ADAM32: variants seen among roughly 807,000 people sequenced by gnomAD.
The protein encoded by ADAM32 is disintegrin and metalloproteinase domain-containing protein 32.
In ADAM32, 89 loss-of-function variants were observed where a neutral mutation model predicts 114.9. The ratio of observed to expected loss-of-function variants is 0.77; its 90% CI spans 0.65 to 0.92. The LOEUF (loss-of-function observed/expected upper bound fraction) is 0.92. ADAM32 is among the 40% of genes least tolerant of loss of function. The pLI is 0.00. For missense variants in ADAM32, 870 were observed against 932.8 expected, an observed-to-expected ratio of 0.93 and a Z score of 0.88; for synonymous variants, 285 against 307.5, an observed-to-expected ratio of 0.93 and a Z score of 0.77.
intron 17 of ADAM32, among the ~76,000 whole-genome samples, chr8:39,249,268 C>T (rs1245182251): frequency 2.0e-5 from 3 of 152,018 alleles, no homozygotes; most frequent in Admixed American, 1.3e-4. Context: ...TGTGATTTTT[C>T]TTCTTTAGCT....
intron 19 of ADAM32, among the ~76,000 whole-genome samples, chr8:39,269,734 T>C (rs887139415): frequency 6.6e-6 from 1 of 152,248 alleles, no homozygotes; most frequent in African/African-American, 2.4e-5. Context: ...ATCTTCAGTG[T>C]CTTTGATGTT....
intron 10 of ADAM32, among the ~76,000 whole-genome samples, chr8:39,182,911 C>T (rs1413397308): frequency 2.0e-5 from 3 of 152,094 alleles, no homozygotes; most frequent in African/African-American, 7.2e-5. Flanking sequence ...TGGTTACAAC[C>T]GTGGACAGGC....
In ADAM32 at chr8:39,118,123, G is replaced by T. The variant is rs1305133068; in HGVS notation, c.96G>T (p.Glu32Asp). The T allele has an allele frequency of 2.7e-6, 4 of 1,487,960 alleles. No homozygotes were observed. 92.2% of individuals were successfully genotyped at this position (1,487,960 alleles called of 1,614,324 possible). Reference protein sequence around the residue: ...QNSLLQIVIPEKIQTNTNDSS... With the variant: ...QNSLLQIVIPDKIQTNTNDSS... ...CACTTCTACAGATCGTAATTCCAGA[G>T]AAAATCCAAACAAATACAAATGACA... The change falls in exon 2 of 25, where the codon GAG becomes GAT. Residue 32 changes from glutamate (E) to aspartate (D), a missense_variant. By Grantham distance (45) the Glu-to-Asp change is conservative (BLOSUM62 2). Coordinates refer to ENST00000379907, the MANE Select transcript of ADAM32 (RefSeq NM_145004.7).
chr8:39,193,181 A>T (rs760886295), intron 11 of ADAM32, among the ~76,000 whole-genome samples: 1 of 151,940 alleles, frequency 6.6e-6, no homozygotes, highest in Admixed American at 6.6e-5. Flanking sequence ...TATTTCCTGG[A>T]GGTTTTGTTC....
intron 2 of ADAM32, among the ~76,000 whole-genome samples, chr8:39,118,919 C>T (rs1425371406): frequency 6.6e-6 from 1 of 152,168 alleles, no homozygotes; most frequent in Non-Finnish European, 1.5e-5. Flanking sequence ...TGTAGTTCTT[C>T]TCCAGCCCTT....
intron 19 of ADAM32, among the ~76,000 whole-genome samples, chr8:39,261,756 G>A (rs984484629): frequency 7.9e-5 from 12 of 151,972 alleles, no homozygotes; most frequent in Admixed American, 5.9e-4. Flanking sequence ...ACTGGGGTGC[G>A]AGATTACCTC....
At chr8:39,260,873 G>A (rs1302547213) in intron 19 of ADAM32, among the ~76,000 whole-genome samples, 1 of 151,614 alleles carries the variant, frequency 6.6e-6, no homozygotes, top group Non-Finnish European at 1.5e-5. Context: ...GAAACCATCT[G>A]GTTCTGTTTT....
chr8:39,272,660 C>T (rs915350774), intron 20 of ADAM32, among the ~76,000 whole-genome samples: 14 of 152,118 alleles, frequency 9.2e-5, no homozygotes, highest in African/African-American at 2.7e-4. Context: ...GAAGTTGCTC[C>T]GGGTGAGTCA....
At chr8:39,179,823 A>C (rs941232454) in intron 10 of ADAM32, among the ~76,000 whole-genome samples, 2 of 151,874 alleles carry the variant, frequency 1.3e-5, no homozygotes, top group Admixed American at 1.3e-4. Flanking sequence ...AAAGTGTAGA[A>C]TTTGCTTGCC....
intron 10 of ADAM32, among the ~76,000 whole-genome samples, chr8:39,172,671 A>G (rs1002268481): frequency 2.6e-5 from 4 of 152,172 alleles, no homozygotes; most frequent in African/African-American, 9.7e-5. Context: ...TTTCGACTGC[A>G]TACATAGTAT....
At chr8:39,194,053 G>C (rs1806787392) in intron 11 of ADAM32, among the ~76,000 whole-genome samples, 1 of 152,182 alleles carries the variant, frequency 6.6e-6, no homozygotes, top group African/African-American at 2.4e-5. Context: ...TGTGTACTGG[G>C]GTGCTGGCTT....
intron 11 of ADAM32, among the ~76,000 whole-genome samples, chr8:39,209,494 A>G (rs1391201787): frequency 6.6e-6 from 1 of 152,132 alleles, no homozygotes; most frequent in African/African-American, 2.4e-5. Flanking sequence ...TATTTATTAT[A>G]CTTGATGGGA....
At chr8:39,229,158 C>T (rs1030923583) in intron 14 of ADAM32, among the ~76,000 whole-genome samples, 9 of 152,154 alleles carry the variant, frequency 5.9e-5, no homozygotes, top group African/African-American at 2.2e-4. Flanking sequence ...ACCAAGCCAC[C>T]ACTACAAGAA....
At chr8:39,223,565 T>A (rs1809137315) in intron 14 of ADAM32, 1 of 156,562 alleles carries the variant, frequency 6.4e-6, no homozygotes, top group African/African-American at 2.4e-5. Flanking sequence ...TTTTGATATA[T>A]GTATACATTG....
At chr8:39,158,084 T>C in intron 6 of ADAM32, 1 of 247,200 alleles carries the variant, frequency 4.0e-6, no homozygotes, top group Non-Finnish European at 8.1e-6. Context: ...TCAATCATCT[T>C]GTCCTGCCCA....
At chr8:39,156,836 T>C (rs952670126) in intron 6 of ADAM32, among the ~76,000 whole-genome samples, 1 of 152,196 alleles carries the variant, frequency 6.6e-6, no homozygotes, top group Non-Finnish European at 1.5e-5. Context: ...GAGCCCATCC[T>C]AATGACCTAA....
chr8:39,142,500 T>G (rs1377097547), intron 3 of ADAM32, among the ~76,000 whole-genome samples: 1 of 152,200 alleles, frequency 6.6e-6, no homozygotes, highest in Non-Finnish European at 1.5e-5. Context: ...GGGTTGAAAA[T>G]TCTTTTCTTT....
intron 16 of ADAM32, among the ~76,000 whole-genome samples, chr8:39,241,839 CTCATGTA>C (rs1172659086): frequency 1.3e-5 from 2 of 152,222 alleles, no homozygotes; most frequent in Non-Finnish European, 2.9e-5. Flanking sequence ...GTCCCCATTA[CTCATGTA>C]AGTTTCTGTA....
intron 1 of ADAM32, among the ~76,000 whole-genome samples, chr8:39,117,256 A>G (rs564563872): frequency 3.5e-4 from 53 of 152,270 alleles, no homozygotes; most frequent in Non-Finnish European, 6.8e-4. Context: ...CTGAAGTTGT[A>G]TATATTATGT....
Sources: allele counts gnomAD v4.1 joint callset (sites outside exome capture counted in the v4.1 genomes callset), GRCh38; gene constraint gnomAD v4.1.1; transcripts MANE v1.5; gene names NCBI Gene and HGNC (gene_info 2026-07-23, HGNC 2026-07-21).